Variants in IPCEF1 observed in about 807,000 individuals in gnomAD.
IPCEF1 encodes interaction protein for cytohesin exchange factors 1.
IPCEF1 carries 31 observed loss-of-function variants against 50.9 expected under a neutral mutation model. The ratio of observed to expected loss-of-function variants is 0.61; its 90% CI spans 0.46 to 0.82. The LOEUF (loss-of-function observed/expected upper bound fraction) is 0.82, where lower values mean the gene tolerates loss of function less well. Among genes scored for constraint, IPCEF1 ranks in the 40% least tolerant of loss-of-function variants. The pLI is 0.00. For missense variants in IPCEF1, 458 were observed against 514.0 expected, an observed-to-expected ratio of 0.89 and a Z score of 1.05; for synonymous variants, 181 against 192.0, an observed-to-expected ratio of 0.94 and a Z score of 0.47.
intron 1 of IPCEF1, among the ~76,000 whole-genome samples, chr6:154,335,386 C>T (rs2092417): frequency 6.6e-6 from 1 of 152,076 alleles, no homozygotes; most frequent in Non-Finnish European, 1.5e-5. Context: ...CTTGTGTACA[C>T]GTTAATAAAA....
intron 1 of IPCEF1, among the ~76,000 whole-genome samples, chr6:154,326,043 TG>T (rs988105309): frequency 1.3e-5 from 2 of 151,942 alleles, no homozygotes; most frequent in African/African-American, 4.8e-5. Context: ...CTGGACAACA[TG>T]GCAAAACCCC....
chr6:154,220,254 A>T (rs928762014), intron 7 of IPCEF1, among the ~76,000 whole-genome samples: 3 of 152,118 alleles, frequency 2.0e-5, no homozygotes, highest in African/African-American at 7.2e-5. Flanking sequence ...CATATTTTCA[A>T]TTGGTCATGT....
chr6:154,171,200 C>T (rs144597541), intron 10 of IPCEF1, among the ~76,000 whole-genome samples: 2 of 152,222 alleles, frequency 1.3e-5, no homozygotes, highest in African/African-American at 4.8e-5. Flanking sequence ...ACAGACTCAA[C>T]TTGGGAAGAT....
At chr6:154,222,816 C>T (rs1021259828) in intron 6 of IPCEF1, 15 of 248,214 alleles carry the variant, frequency 6.0e-5, no homozygotes, top group African/African-American at 2.0e-4. Flanking sequence ...ATCTGCAACT[C>T]GGGTGAGTCC....
rs568554905 is a variant in IPCEF1, at chr6:154,311,465, T to C, written c.-61-21709A>G. ...AATGCTAATGGCAACCAAATTCATA[T>C]TTCAAGCTAGACCTCTTGAGCTCCA... On this transcript the variant is annotated intron_variant, in intron 1 of 11. Coordinates refer to ENST00000367220, the MANE Select transcript of IPCEF1 (RefSeq NM_001130700.2). Among the ~76,000 whole-genome samples the C allele has an allele frequency of 1.4e-4, 21 of 152,352 alleles. 1 individual carries two copies. The South Asian group carries it at 4.3e-3, about 32-fold the overall frequency.
chr6:154,273,804 A>T (rs1583932026), intron 2 of IPCEF1, among the ~76,000 whole-genome samples: 2 of 117,980 alleles, frequency 1.7e-5, no homozygotes, highest in South Asian at 5.4e-4. Flanking sequence ...CCCAGGCTGG[A>T]GTGCAGTGGC....
At chr6:154,287,185 CTCTT>C (rs962179130) in intron 2 of IPCEF1, among the ~76,000 whole-genome samples, 14 of 151,310 alleles carry the variant, frequency 9.3e-5, no homozygotes, top group African/African-American at 1.7e-4. Flanking sequence ...CTCTCTCTCT[CTCTT>C]GCTCTGCTAT....
chr6:154,275,918 G>C (rs1469074965), intron 2 of IPCEF1, among the ~76,000 whole-genome samples: 3 of 152,130 alleles, frequency 2.0e-5, no homozygotes, highest in Admixed American at 6.5e-5. Flanking sequence ...AGTGACTCAC[G>C]CCTGTAATCC....
At position 154,246,650 on chromosome 6, in the gene IPCEF1, A is replaced by G; in HGVS notation, c.187T>C (p.Trp63Arg). The G allele has an allele frequency of 1.9e-6, 3 of 1,614,030 alleles. No homozygotes were observed. Among genetic ancestry groups the G allele is most frequent in the Non-Finnish European group, 2.5e-6 (3 of 1,179,962 alleles). ...KEKGSFLSNK[W>R]KKFWVILKGS... ...TTCAGTATCACCCAGAACTTTTTCCATTTGTTGCTTAGGAAACTTCCCTTT... is the reference window on the plus strand; with the variant it reads ...TTCAGTATCACCCAGAACTTTTTCCGTTTGTTGCTTAGGAAACTTCCCTTT... Residue 63 changes from tryptophan to arginine, a missense_variant, in exon 5 of 12, where the codon TGG becomes CGG. Transcript: ENST00000367220.
At chr6:154,204,491 G>A (rs1777323132) in intron 9 of IPCEF1, among the ~76,000 whole-genome samples, 1 of 152,170 alleles carries the variant, frequency 6.6e-6, no homozygotes, top group Non-Finnish European at 1.5e-5. Flanking sequence ...TTAAGCCCCA[G>A]GAAGTATCAT....
At chr6:154,205,527 G>A (rs373581516) in intron 9 of IPCEF1, among the ~76,000 whole-genome samples, 122 of 152,214 alleles carry the variant, frequency 8.0e-4, no homozygotes, top group African/African-American at 2.7e-3. Flanking sequence ...CCCAGGAGGC[G>A]GAAGTTGCAG....
At position 154,190,842 on chromosome 6, in the gene IPCEF1, T is replaced by C. The variant is rs535428476; in HGVS notation, c.910+8826A>G. 2.0e-5 allele frequency among the ~76,000 whole-genome samples: 3 copies of C among 152,208 alleles called. No individual in the cohort carries two copies. The South Asian group carries it at 6.2e-4, about 32-fold the overall frequency. ...TATTCAATGATTAAAAAGTGACCTA[T>C]CCAGGAGATCGAGACCATCCTGGCT... On this transcript the variant is annotated intron_variant, in intron 10 of 11. Transcript: ENST00000367220.
intron 5 of IPCEF1, among the ~76,000 whole-genome samples, chr6:154,242,928 A>G (rs1246745163): frequency 6.6e-6 from 1 of 152,142 alleles, no homozygotes. Flanking sequence ...CAGGCAGCAG[A>G]GAGAGGAAGC....
At chr6:154,204,942 G>T (rs1346666120) in intron 9 of IPCEF1, among the ~76,000 whole-genome samples, 1 of 152,116 alleles carries the variant, frequency 6.6e-6, no homozygotes, top group African/African-American at 2.4e-5. Context: ...AGCCACACTG[G>T]CCTTCTTTCT....
intron 1 of IPCEF1, among the ~76,000 whole-genome samples, chr6:154,345,535 C>T (rs903575779): frequency 2.6e-5 from 4 of 152,230 alleles, no homozygotes; most frequent in African/African-American, 9.6e-5. Flanking sequence ...CAAAAGAGAG[C>T]TGCTGCCACC....
chr6:154,244,089 A>G (rs1222198122), intron 5 of IPCEF1, among the ~76,000 whole-genome samples: 2 of 152,188 alleles, frequency 1.3e-5, no homozygotes, highest in African/African-American at 4.8e-5. Flanking sequence ...GCTTAGGCTT[A>G]GGTGCTTTGA....
At chr6:154,264,005 A>ACCC (rs71021034) in intron 3 of IPCEF1, among the ~76,000 whole-genome samples, 10 of 128,420 alleles carry the variant, frequency 7.8e-5, no homozygotes, top group African/African-American at 3.0e-4. Flanking sequence ...CGGGGGGCTG[A>ACCC]CCCCCCCCAC....
At chr6:154,163,839 AATAG>A (rs1042167272) in intron 11 of IPCEF1, among the ~76,000 whole-genome samples, 11 of 152,206 alleles carry the variant, frequency 7.2e-5, no homozygotes, top group South Asian at 2.1e-4. Context: ...GATAGATATT[AATAG>A]ATAGATAGAT....
chr6:154,337,689 G>A (rs976235192), intron 1 of IPCEF1, among the ~76,000 whole-genome samples: 1 of 152,188 alleles, frequency 6.6e-6, no homozygotes, highest in African/African-American at 2.4e-5. Flanking sequence ...GAGGAACCAG[G>A]TTGGCTAGGA....
Sources: gnomAD v4.1 joint callset for allele counts (sites outside exome capture counted in the v4.1 genomes callset) on GRCh38, gnomAD v4.1.1 for gene constraint, MANE v1.5 for transcripts, NCBI Gene and HGNC (gene_info 2026-07-23, HGNC 2026-07-21) for gene names.